Variants in RNF32 observed in about 807,000 individuals in gnomAD.
RNF32 encodes the protein ring finger protein 32.
In RNF32, 36 loss-of-function variants were observed where a neutral mutation model predicts 41.0. The observed-to-expected ratio is 0.88, with a 90% confidence interval of 0.67 to 1.16. The LOEUF is 1.16. Among genes scored for constraint, RNF32 ranks in the 50% most tolerant of loss-of-function variants. The pLI, the probability that RNF32 is intolerant of heterozygous loss-of-function variation, is 0.00. For missense variants in RNF32, 413 were observed against 436.7 expected (o/e 0.95, Z 0.48); for synonymous variants, 154 against 160.9 (o/e 0.96, Z 0.32).
intron 7 of RNF32, among the ~76,000 whole-genome samples, chr7:156,660,587 G>A (rs1386855483): frequency 3.3e-5 from 5 of 152,174 alleles, no homozygotes; most frequent in South Asian, 2.1e-4. Flanking sequence ...GGGCTGAAGC[G>A]AACCTCCCAC....
chr7:156,656,263 AGT>A, intron 4 of RNF32, among the ~76,000 whole-genome samples: 1 of 152,334 alleles, frequency 6.6e-6, no homozygotes, highest in African/African-American at 2.4e-5. Context: ...GGCCATTTTT[AGT>A]GTGTTTTCCA....
At chr7:156,667,852 A>G (rs576558285) in intron 7 of RNF32, among the ~76,000 whole-genome samples, 6 of 152,336 alleles carry the variant, frequency 3.9e-5, no homozygotes, top group Admixed American at 2.0e-4. Context: ...ATAAATGTCT[A>G]TGGAAGGACT....
chr7:156,656,461 T>C (rs563313082), intron 4 of RNF32, among the ~76,000 whole-genome samples: 65 of 152,368 alleles, frequency 4.3e-4, no homozygotes, highest in African/African-American at 1.5e-3. Flanking sequence ...AAGATTGCTA[T>C]TAAATGGTGG....
At chr7:156,661,552 T>C (rs1019074594) in intron 7 of RNF32, among the ~76,000 whole-genome samples, 4 of 152,172 alleles carry the variant, frequency 2.6e-5, no homozygotes, top group African/African-American at 9.7e-5. Context: ...AACTCCCAGC[T>C]TCAGGTGATC....
intron 2 of RNF32, 28 bp from the exon 3 acceptor site, chr7:156,644,471 T>A: frequency 6.4e-7 from 1 of 1,568,862 alleles, no homozygotes; most frequent in Non-Finnish European, 8.7e-7. Flanking sequence ...AATACTCCTC[T>A]AAATATGACT....
chr7:156,665,952 C>T (rs763053714), intron 7 of RNF32, among the ~76,000 whole-genome samples: 17 of 152,230 alleles, frequency 1.1e-4, no homozygotes, highest in Non-Finnish European at 7.3e-5. Flanking sequence ...ACACTGCAGA[C>T]ATTTGGCCTT....
At position 156,676,499 on chromosome 7, in the gene RNF32, C is replaced by G. The variant is rs202134363; in HGVS notation, c.933C>G (p.Gly311=). The change falls in exon 9 of 9, where the codon GGC becomes GGG. Residue 311 remains glycine, a synonymous_variant. Transcript: ENST00000317955. Reference sequence around the variant, plus strand: ...CTGGCGGTCAGCGCGTGGGTGCAGGCAGGCGTTCCAGAGAGATGGCCCTCC... The same window carrying G: ...CTGGCGGTCAGCGCGTGGGTGCAGGGAGGCGTTCCAGAGAGATGGCCCTCC... The part of the protein sequence containing the change: ...SAAGGQRVGA[G]RRSREMALLS... The G allele has an allele frequency of 1.2e-4, 191 of 1,613,916 alleles. No homozygotes were observed. Among genetic ancestry groups the G allele is most frequent in the Non-Finnish European group, 1.5e-4 (179 of 1,179,956 alleles).
At chr7:156,640,771 G>A (rs1046295007), upstream of RNF32, 3 of 261,046 alleles carry the variant, frequency 1.1e-5, no homozygotes, top group African/African-American at 2.4e-5. Flanking sequence ...AGGGAAAAGG[G>A]GCAGACGTCC....
intron 7 of RNF32, among the ~76,000 whole-genome samples, chr7:156,672,164 G>A (rs1311964926): frequency 6.6e-6 from 1 of 152,182 alleles, no homozygotes; most frequent in African/African-American, 2.4e-5. Context: ...AGCACTAAGT[G>A]TTAAGGGCCA....
chr7:156,675,675 C>A, intron 7 of RNF32, 21 bp from the exon 8 acceptor site: 3 of 1,589,402 alleles, frequency 1.9e-6, no homozygotes, highest in Non-Finnish European at 1.7e-6. Context: ...GTGAGCTTAC[C>A]CGCCCCCGCC....
Position 156,644,516 on chromosome 7 carries a change from A to G in RNF32, c.33A>G (p.Lys11=). The G allele has an allele frequency of 6.2e-7, 1 of 1,610,666 alleles. No homozygotes were observed. MLKNKGHSSK[K]DNLAVNAVAL... ...CTTTTTAGGGTCACTCATCTAAGAAAGATAACTTGGCAGTCAATGCAGTTG... is the reference window on the plus strand; with the variant it reads ...CTTTTTAGGGTCACTCATCTAAGAAGGATAACTTGGCAGTCAATGCAGTTG... Residue 11 remains lysine, a synonymous_variant, in exon 3 of 9, where the codon AAA becomes AAG. Transcript: ENST00000317955.
chr7:156,670,916 T>C lies in RNF32; in HGVS notation c.685-4780T>C, dbSNP rs1802340485. ...GTGGTAAAAATGTGAGTAAATCTAA[T>C]AGACATTGATTCCACCGAACAAGAA... On this transcript the variant is annotated intron_variant, in intron 7 of 8. Coordinates refer to ENST00000317955, the MANE Select transcript of RNF32 (RefSeq NM_030936.4). This position sits in a 1 kb window ranked among gnomAD's most constrained non-coding sequence, Gnocchi z 4.3. 6.6e-6 allele frequency among the ~76,000 whole-genome samples: 1 copy of C among 152,144 alleles called. No individual in the cohort carries two copies. Among genetic ancestry groups the C allele is most frequent in the East Asian group, 1.9e-4 (1 of 5,186 alleles).
intron 3 of RNF32, among the ~76,000 whole-genome samples, chr7:156,653,676 T>C (rs1443853118): frequency 2.0e-5 from 3 of 152,270 alleles, no homozygotes; most frequent in Non-Finnish European, 4.4e-5. Context: ...TCCTGCATTT[T>C]GCCTGAGGAT....
intron 7 of RNF32, among the ~76,000 whole-genome samples, chr7:156,671,587 A>C (rs73744308): frequency 0.031 from 4,678 of 151,470 alleles, 229 homozygotes; most frequent in African/African-American, 0.11. Flanking sequence ...ATGTTTTATA[A>C]GTTCAGCTTC....
chr7:156,676,029 G>A (rs558149898), intron 8 of RNF32, among the ~76,000 whole-genome samples, 166 bp downstream of exon 8: 14 of 151,824 alleles, frequency 9.2e-5, no homozygotes, highest in African/African-American at 3.1e-4. Flanking sequence ...GGGGGAGGTC[G>A]AGGACTCACT....
upstream of RNF32, chr7:156,640,474 C>A: frequency 2.8e-6 from 1 of 359,756 alleles, no homozygotes; most frequent in East Asian, 1.0e-4. Flanking sequence ...CCGCGGCTCC[C>A]GAACACCCCC....
chr7:156,674,915 T>C (rs958363091), intron 7 of RNF32, among the ~76,000 whole-genome samples: 2 of 152,230 alleles, frequency 1.3e-5, no homozygotes, highest in African/African-American at 4.8e-5. Flanking sequence ...ATTTCAAATG[T>C]GTTCCTGCTA....
chr7:156,655,276 G>T (rs1484762999), intron 4 of RNF32, among the ~76,000 whole-genome samples: 1 of 151,112 alleles, frequency 6.6e-6, no homozygotes, highest in Non-Finnish European at 1.5e-5. Context: ...GAGAGAGAGA[G>T]AATGCATATA....
At chr7:156,649,958 G>A (rs1798491478) in intron 3 of RNF32, among the ~76,000 whole-genome samples, 1 of 152,314 alleles carries the variant, frequency 6.6e-6, no homozygotes, top group African/African-American at 2.4e-5. Context: ...TGGAATAACA[G>A]AAAATAGGGA....
Sources: gnomAD v4.1 joint callset for allele counts (sites outside exome capture counted in the v4.1 genomes callset) on GRCh38, gnomAD v4.1.1 for gene constraint, Gnocchi (gnomAD v3.1) non-coding constraint, MANE v1.5 for transcripts, NCBI Gene and HGNC (gene_info 2026-07-23, HGNC 2026-07-21) for gene names.